GRIA4: variants seen among roughly 807,000 people sequenced by gnomAD.
GRIA4 encodes the protein glutamate receptor 4.
Under a neutral mutation model 104.0 loss-of-function variants are expected in GRIA4, and 34 were observed. The ratio of observed to expected loss-of-function variants is 0.33; its 90% CI spans 0.25 to 0.44. The LOEUF (loss-of-function observed/expected upper bound fraction) is 0.44. GRIA4 is among the 20% of genes least tolerant of loss of function. GRIA4 has a pLI of 1.00. For missense variants in GRIA4, 750 were observed against 1,096.5 expected (o/e 0.68, Z 4.46); for synonymous variants, 386 against 381.9 (o/e 1.01, Z -0.13).
intron 3 of GRIA4, among the ~76,000 whole-genome samples, chr11:105,646,699 C>T (rs564073350): frequency 6.6e-6 from 1 of 152,202 alleles, no homozygotes; most frequent in Non-Finnish European, 1.5e-5. Context: ...GGAAAGAATT[C>T]TCCATTCAAT....
rs71041629 is a variant in GRIA4 at position 105,794,473 on chromosome 11, G to GTATATA, written c.487+41288_487+41293dup. On this transcript the variant is annotated intron_variant, in intron 4 of 16. Coordinates refer to ENST00000282499, the MANE Select transcript of GRIA4 (RefSeq NM_000829.4). ...TGTGTCTGTGTGTGTGTATATGTATGTATATATATATATATATATATATAT... is the reference window on the plus strand; with the variant it reads ...TGTGTCTGTGTGTGTGTATATGTATGTATATATATATATATATATATATATATATAT... 5.4e-3 allele frequency among the ~76,000 whole-genome samples: 238 copies of GTATATA among 43,792 alleles called. 1 individual carries two copies. The highest frequency in any genetic ancestry group is 0.011 in the African/African-American group (108 of 9,924). The allele number at this position is 43,792 out of a possible 152,430, so 28.7% of individuals were successfully genotyped here. A position where few individuals can be genotyped will look rare whatever the true frequency, so the allele number is the denominator to read the frequency against.
At chr11:105,885,032 C>T (rs536992812) in intron 5 of GRIA4, among the ~76,000 whole-genome samples, 2 of 152,202 alleles carry the variant, frequency 1.3e-5, no homozygotes, top group South Asian at 2.1e-4. Context: ...ACCAGAAGAA[C>T]GTATAGTGAA....
chr11:105,868,820 C>T (rs773906844), intron 5 of GRIA4, among the ~76,000 whole-genome samples: 11 of 152,144 alleles, frequency 7.2e-5, no homozygotes, highest in Non-Finnish European at 1.5e-4. Flanking sequence ...TGCTGCTTTG[C>T]TTCATTATAA....
At chr11:105,892,303 A>G (rs1241383549) in intron 6 of GRIA4, among the ~76,000 whole-genome samples, 23 of 152,176 alleles carry the variant, frequency 1.5e-4, no homozygotes, top group Admixed American at 1.5e-3. Flanking sequence ...TTACCAAGAC[A>G]AATTCTTAGA....
At chr11:105,919,720 T>C (rs1209968199) in intron 11 of GRIA4, among the ~76,000 whole-genome samples, 1 of 152,178 alleles carries the variant, frequency 6.6e-6, no homozygotes, top group South Asian at 2.1e-4. Context: ...ATGCTAGTGA[T>C]AGCACAATAT....
chr11:105,873,273 T>A (rs1449815556), intron 5 of GRIA4, among the ~76,000 whole-genome samples: 1 of 152,214 alleles, frequency 6.6e-6, no homozygotes, highest in Non-Finnish European at 1.5e-5. Flanking sequence ...TATGGCTGCA[T>A]AATATTCCAT....
intron 3 of GRIA4, among the ~76,000 whole-genome samples, chr11:105,730,343 G>A (rs534665357): frequency 6.6e-6 from 1 of 152,174 alleles, no homozygotes; most frequent in Admixed American, 6.5e-5. Context: ...ATCTCTTCTA[G>A]GAGAACTACA....
chr11:105,909,769 T>C (rs1947166506), intron 9 of GRIA4, among the ~76,000 whole-genome samples: 1 of 152,130 alleles, frequency 6.6e-6, no homozygotes, highest in African/African-American at 2.4e-5. Flanking sequence ...CCTTAAGTAA[T>C]TACTTAATTC....
intron 14 of GRIA4, among the ~76,000 whole-genome samples, chr11:105,956,245 C>T (rs1948586717): frequency 6.6e-6 from 1 of 152,036 alleles, no homozygotes; most frequent in South Asian, 2.1e-4. Context: ...TCTCCTAATG[C>T]TATCCCTCCC....
chr11:105,969,061 T>C (rs1467525356), intron 14 of GRIA4, among the ~76,000 whole-genome samples: 3 of 152,226 alleles, frequency 2.0e-5, no homozygotes, highest in Admixed American at 2.0e-4. Flanking sequence ...GATATTCATA[T>C]AAAATTATTT....
chr11:105,701,326 T>C (rs1953482048), intron 3 of GRIA4, among the ~76,000 whole-genome samples: 1 of 152,216 alleles, frequency 6.6e-6, no homozygotes, highest in African/African-American at 2.4e-5. Flanking sequence ...ATGAGTAAGT[T>C]CTTGACTGCA....
At position 105,634,501 on chromosome 11, in the gene GRIA4, G is replaced by GA. The variant is rs1156691358; in HGVS notation, c.247+22070dup. On this transcript the variant is annotated intron_variant, in intron 3 of 16. Coordinates refer to ENST00000282499, the MANE Select transcript of GRIA4 (RefSeq NM_000829.4). The stretch of plus-strand genomic sequence containing the variant: ...AGAAAGAAAGAAAGAAAGAAAGAAA[G>GA]AAAGAAAGAAAGAAGAAAGAAAGAA... Among the ~76,000 whole-genome samples, 493 of 66,478 alleles carry GA rather than the reference G, an allele frequency of 7.4e-3. 5 individuals carry two copies. Among genetic ancestry groups the GA allele is most frequent in the African/African-American group, 0.021 (480 of 22,890 alleles). The allele number at this position is 66,478 out of a possible 152,430, so 43.6% of individuals were successfully genotyped here. A position where few individuals can be genotyped will look rare whatever the true frequency, so the allele number is the denominator to read the frequency against.
chr11:105,647,576 A>G (rs1304184608), intron 3 of GRIA4, among the ~76,000 whole-genome samples: 1 of 152,222 alleles, frequency 6.6e-6, no homozygotes, highest in African/African-American at 2.4e-5. Context: ...GATAAAGAAA[A>G]ATGTGGTGCA....
At chr11:105,860,276 T>A (rs1244344329) in intron 4 of GRIA4, among the ~76,000 whole-genome samples, 2 of 152,180 alleles carry the variant, frequency 1.3e-5, no homozygotes, top group African/African-American at 4.8e-5. Flanking sequence ...TGAGCATCAG[T>A]AATGTTTGGA....
chr11:105,641,274 A>G (rs17104369), intron 3 of GRIA4, among the ~76,000 whole-genome samples: 43,598 of 152,026 alleles, frequency 0.29, 6,649 homozygotes, highest in Admixed American at 0.45. Context: ...CACTACAGAC[A>G]TTAGACCTAA....
At chr11:105,626,850 C>CA (rs961544296) in intron 3 of GRIA4, among the ~76,000 whole-genome samples, 10 of 151,900 alleles carry the variant, frequency 6.6e-5, no homozygotes, top group Non-Finnish European at 1.2e-4. Context: ...TAGTCAGATG[C>CA]AAAAAAAGAT....
chr11:105,961,230 A>G (rs1948737885), intron 14 of GRIA4, among the ~76,000 whole-genome samples: 1 of 152,236 alleles, frequency 6.6e-6, no homozygotes, highest in Non-Finnish European at 1.5e-5. Context: ...GTTTTACTCC[A>G]AATAAGGCAG....
chr11:105,786,692 T>A (rs763340444), intron 4 of GRIA4, among the ~76,000 whole-genome samples: 16 of 152,224 alleles, frequency 1.1e-4, no homozygotes, highest in Non-Finnish European at 2.1e-4. Flanking sequence ...TTTTTGTTTT[T>A]TGGGTTTTTT....
intron 3 of GRIA4, among the ~76,000 whole-genome samples, chr11:105,728,442 G>A (rs1036380044): frequency 2.0e-5 from 3 of 152,032 alleles, no homozygotes; most frequent in African/African-American, 7.2e-5. Context: ...TTAGATAGAT[G>A]AACAAGACAG....
Sources: allele counts gnomAD v4.1 joint callset (sites outside exome capture counted in the v4.1 genomes callset), GRCh38; gene constraint gnomAD v4.1.1; transcripts MANE v1.5; gene names NCBI Gene and HGNC (gene_info 2026-07-23, HGNC 2026-07-21).